The following MAGI1 variants were observed in gnomAD, a reference collection of about 807,000 sequenced individuals.
The protein encoded by MAGI1 is membrane associated guanylate kinase, WW and PDZ domain containing 1.
MAGI1 carries 58 observed loss-of-function variants against 139.9 expected under a neutral mutation model. The observed-to-expected ratio is 0.41, with a 90% CI of 0.34 to 0.52. The LOEUF (loss-of-function observed/expected upper bound fraction) is 0.52. MAGI1 is among the 20% of genes least tolerant of loss of function. The probability of loss-of-function intolerance (pLI) is 0.12; values close to 1 mark genes in which losing one functional copy is unlikely to be tolerated. For missense variants in MAGI1, 1,874 were observed against 1,901.6 expected (o/e 0.99, Z 0.27); for synonymous variants, 812 against 737.9 (o/e 1.10, Z -1.63).
chr3:65,438,866 G>A (rs1948034225), intron 9 of MAGI1, among the ~76,000 whole-genome samples: 1 of 152,304 alleles, frequency 6.6e-6, no homozygotes, highest in South Asian at 2.1e-4. Context: ...ATACTACAAT[G>A]GCTGAGGTGA....
intron 1 of MAGI1, among the ~76,000 whole-genome samples, chr3:65,876,168 G>C (rs757676443): frequency 9.3e-5 from 14 of 150,746 alleles, no homozygotes; most frequent in African/African-American, 7.3e-5. Flanking sequence ...TCATAAAAAA[G>C]CAATACAGCT....
chr3:65,936,643 AGGTG>A (rs932790989), intron 1 of MAGI1, among the ~76,000 whole-genome samples: 2 of 152,072 alleles, frequency 1.3e-5, no homozygotes, highest in Non-Finnish European at 2.9e-5. Context: ...TTCATCAGGA[AGGTG>A]GGTACATTTT....
intron 1 of MAGI1, among the ~76,000 whole-genome samples, chr3:65,802,852 G>GTGTGTGTGTGTGTC (rs2040602448): frequency 7.3e-6 from 1 of 136,302 alleles, no homozygotes; most frequent in African/African-American, 3.0e-5. Context: ...TCTCATCTGT[G>GTGTGTGTGTGTGTC]TGTGTGTGTG....
At chr3:65,369,478 G>C (rs1445221018) in intron 18 of MAGI1, among the ~76,000 whole-genome samples, 1 of 151,918 alleles carries the variant, frequency 6.6e-6, no homozygotes, top group African/African-American at 2.4e-5. Context: ...GGCCTGCTGG[G>C]GTTTCGAGAA....
chr3:65,966,687 C>T (rs1002663103), intron 1 of MAGI1, among the ~76,000 whole-genome samples: 1 of 152,058 alleles, frequency 6.6e-6, no homozygotes, highest in Non-Finnish European at 1.5e-5. Context: ...GTGATCAAAC[C>T]CCATTGCTGC....
intron 1 of MAGI1, among the ~76,000 whole-genome samples, chr3:65,980,256 G>C (rs1212387727): frequency 6.6e-6 from 1 of 152,074 alleles, no homozygotes; most frequent in Non-Finnish European, 1.5e-5. Flanking sequence ...ATAGCACATA[G>C]GTATATGAAA....
chr3:65,893,738 C>G (rs2060858560), intron 1 of MAGI1: 1 of 152,154 alleles, frequency 6.6e-6, no homozygotes, highest in Non-Finnish European at 1.5e-5. Flanking sequence ...TAAATCATCC[C>G]AAAATATAAC....
At chr3:65,704,941 C>T (rs1486072260) in intron 1 of MAGI1, among the ~76,000 whole-genome samples, 1 of 152,034 alleles carries the variant, frequency 6.6e-6, no homozygotes, top group Non-Finnish European at 1.5e-5. Context: ...TCTACTACTG[C>T]ACAGACTCCT....
chr3:65,651,092 T>C (rs1408331059), intron 1 of MAGI1, among the ~76,000 whole-genome samples: 1 of 152,196 alleles, frequency 6.6e-6, no homozygotes, highest in African/African-American at 2.4e-5. Flanking sequence ...ATAATTCTGC[T>C]AATTTATTTT....
At chr3:65,764,106 T>C (rs907398209) in intron 1 of MAGI1, among the ~76,000 whole-genome samples, 1 of 150,048 alleles carries the variant, frequency 6.7e-6, no homozygotes, top group Non-Finnish European at 1.5e-5. Context: ...AAAAACCTTG[T>C]TGTTCAAAAG....
At chr3:65,792,564 C>CTATA (rs1006096755) in intron 1 of MAGI1, among the ~76,000 whole-genome samples, 10 of 151,942 alleles carry the variant, frequency 6.6e-5, no homozygotes, top group African/African-American at 2.4e-4. Context: ...AGCTATATAG[C>CTATA]TAGCTATAAC....
intron 1 of MAGI1, among the ~76,000 whole-genome samples, chr3:65,646,683 G>T (rs779008332): frequency 1.3e-5 from 2 of 151,864 alleles, no homozygotes; most frequent in Admixed American, 6.6e-5. Context: ...GTTAAGCGTC[G>T]AAAGTATACA....
At chr3:65,994,234 A>G (rs1394537345) in intron 1 of MAGI1, among the ~76,000 whole-genome samples, 3 of 145,378 alleles carry the variant, frequency 2.1e-5, no homozygotes, top group Non-Finnish European at 3.0e-5. Context: ...AGATCACACC[A>G]CTGCACTCCA....
intron 1 of MAGI1, among the ~76,000 whole-genome samples, chr3:65,717,965 G>A (rs551794020): frequency 1.3e-5 from 2 of 152,124 alleles, no homozygotes; most frequent in Non-Finnish European, 2.9e-5. Context: ...TTTCCCCCAA[G>A]CTTCTACTAC....
rs761486662 is a variant in MAGI1 at position 65,728,833 on chromosome 3, T to C, written c.314-106745A>G. Among the ~76,000 whole-genome samples, 56 of 152,190 alleles carry C rather than the reference T, an allele frequency of 3.7e-4. 1 individual carries two copies. Among genetic ancestry groups the C allele is most frequent in the Middle Eastern group, 3.2e-3 (1 of 316 alleles). ...TTTAACTGCATAAGCACTATTCCTC[T>C]AGTAGAACTTGAGTGTGTAATGAAG... On this transcript the variant is annotated intron_variant, in intron 1 of 22. Transcript: ENST00000402939.
At chr3:65,365,083 T>A (rs1365197766) in intron 18 of MAGI1, 137 bp from the exon 19 acceptor site, 2 of 799,882 alleles carry the variant, frequency 2.5e-6, no homozygotes, top group African/African-American at 3.4e-5. Context: ...GACTTGAATT[T>A]CTAGACAATT....
chr3:65,932,466 T>G (rs2062848676), intron 1 of MAGI1, among the ~76,000 whole-genome samples: 1 of 152,224 alleles, frequency 6.6e-6, no homozygotes, highest in South Asian at 2.1e-4. Flanking sequence ...AGGTTTCTTC[T>G]TTGGAACACA....
chr3:65,976,866 T>C (rs1255310868), intron 1 of MAGI1, among the ~76,000 whole-genome samples: 1 of 152,180 alleles, frequency 6.6e-6, no homozygotes, highest in Non-Finnish European at 1.5e-5. Context: ...CTAATTCAAA[T>C]TACATGCTTT....
At chr3:65,952,737 C>G (rs1351702497) in intron 1 of MAGI1, among the ~76,000 whole-genome samples, 1 of 152,142 alleles carries the variant, frequency 6.6e-6, no homozygotes, top group Non-Finnish European at 1.5e-5. Flanking sequence ...TGGCGTGAAC[C>G]CAGGAGGTGG....
Sources: gnomAD v4.1 joint callset for allele counts (sites outside exome capture counted in the v4.1 genomes callset) on GRCh38, gnomAD v4.1.1 for gene constraint, MANE v1.5 for transcripts, NCBI Gene and HGNC (gene_info 2026-07-23, HGNC 2026-07-21) for gene names.